CDH13: variants seen among roughly 807,000 people sequenced by gnomAD.
CDH13 encodes the protein cadherin 13.
Under a neutral mutation model 63.8 loss-of-function variants are expected in CDH13, and 24 were observed. That is an observed-to-expected ratio of 0.38 (90% confidence interval 0.27 to 0.53). The LOEUF (loss-of-function observed/expected upper bound fraction) is 0.53, where lower values mean the gene tolerates loss of function less well. CDH13 is among the 20% of genes least tolerant of loss of function. The pLI is 0.85. For synonymous variants in CDH13, 503 were observed against 355.3 expected (o/e 1.42, Z -4.67); for missense variants, 1,049 against 903.1 (o/e 1.16, Z -2.07).
chr16:83,730,609 G>C (rs968554315), intron 10 of CDH13, among the ~76,000 whole-genome samples: 3 of 152,144 alleles, frequency 2.0e-5, no homozygotes, highest in Non-Finnish European at 4.4e-5. Flanking sequence ...TGGGTACAAA[G>C]GATCACCTGG....
At chr16:83,048,085 G>C (rs1210423491) in intron 3 of CDH13, among the ~76,000 whole-genome samples, 2 of 152,184 alleles carry the variant, frequency 1.3e-5, no homozygotes, top group Admixed American at 6.5e-5. Flanking sequence ...GTATCCAAAA[G>C]GGTTAAAATA....
chr16:82,752,846 G>A (rs1015918638), intron 1 of CDH13, among the ~76,000 whole-genome samples: 1 of 152,212 alleles, frequency 6.6e-6, no homozygotes, highest in Non-Finnish European at 1.5e-5. Flanking sequence ...ATCATAGAAT[G>A]TGGCACTGGG....
chr16:83,400,064 T>C (rs1171298874), intron 6 of CDH13, among the ~76,000 whole-genome samples: 1 of 152,126 alleles, frequency 6.6e-6, no homozygotes. Flanking sequence ...GCCTGTCTTA[T>C]AGTACTGCCA....
At chr16:83,223,536 C>T (rs955365233) in intron 5 of CDH13, among the ~76,000 whole-genome samples, 8 of 152,202 alleles carry the variant, frequency 5.3e-5, no homozygotes, top group African/African-American at 1.9e-4. Flanking sequence ...TGCCACTTTG[C>T]TCTGATGCTC....
intron 5 of CDH13, among the ~76,000 whole-genome samples, chr16:83,302,818 G>T (rs912993038): frequency 6.6e-6 from 1 of 152,210 alleles, no homozygotes; most frequent in African/African-American, 2.4e-5. Context: ...ACACAGTGAG[G>T]TTGCTTTAGC....
chr16:83,273,096 C>T (rs894992223), intron 5 of CDH13, among the ~76,000 whole-genome samples: 2 of 152,112 alleles, frequency 1.3e-5, no homozygotes, highest in African/African-American at 4.8e-5. Context: ...AGCTGCTATC[C>T]ATTGAGCAGT....
At chr16:83,519,442 T>G (rs751242463) in intron 7 of CDH13, among the ~76,000 whole-genome samples, 5 of 152,212 alleles carry the variant, frequency 3.3e-5, no homozygotes, top group Admixed American at 2.6e-4. Flanking sequence ...AAACAAATAC[T>G]TCAATGAAAA....
intron 3 of CDH13, among the ~76,000 whole-genome samples, chr16:83,040,441 G>C (rs1482905137): frequency 6.6e-6 from 1 of 152,140 alleles, no homozygotes; most frequent in Non-Finnish European, 1.5e-5. Context: ...TTCAGTCTGT[G>C]GCCGAAGGCC....
At chr16:82,660,881 G>C (rs768129204) in intron 1 of CDH13, among the ~76,000 whole-genome samples, 3 of 152,016 alleles carry the variant, frequency 2.0e-5, no homozygotes, top group Non-Finnish European at 4.4e-5. Flanking sequence ...GATGTAAAGA[G>C]CCTTTTGAAG....
chr16:83,776,950 C>A (rs542913741), intron 11 of CDH13, among the ~76,000 whole-genome samples: 84 of 80,952 alleles, frequency 1.0e-3, no homozygotes, highest in African/African-American at 4.7e-3. Context: ...CTGGGCACTT[C>A]CGCCAAGCTG....
intron 7 of CDH13, among the ~76,000 whole-genome samples, chr16:83,526,539 G>A (rs748369607): frequency 3.3e-5 from 5 of 152,192 alleles, no homozygotes; most frequent in Non-Finnish European, 7.3e-5. Context: ...TTGCTGATCT[G>A]ACAGGATACC....
intron 2 of CDH13, among the ~76,000 whole-genome samples, chr16:82,889,757 T>C (rs2041014944): frequency 6.6e-6 from 1 of 152,230 alleles, no homozygotes; most frequent in Admixed American, 6.5e-5. Context: ...GAGTATATCT[T>C]GTGAAAAATA....
intron 7 of CDH13, among the ~76,000 whole-genome samples, chr16:83,555,466 A>G (rs757949975): frequency 2.8e-4 from 43 of 152,202 alleles, no homozygotes; most frequent in Non-Finnish European, 3.8e-4. Context: ...ATCTTTTTAT[A>G]TGAATTTCAG....
chr16:83,134,614 C>T (rs1470912127), intron 4 of CDH13, among the ~76,000 whole-genome samples: 1 of 143,420 alleles, frequency 7.0e-6, no homozygotes, highest in Non-Finnish European at 1.5e-5. Flanking sequence ...GACTGTATTT[C>T]TGAATTTGCC....
intron 6 of CDH13, among the ~76,000 whole-genome samples, chr16:83,480,439 C>T (rs551809165): frequency 2.7e-5 from 4 of 147,246 alleles, no homozygotes; most frequent in Non-Finnish European, 6.0e-5. Context: ...TTTGGTTTTG[C>T]ACACCAGGGT....
chr16:83,060,750 A>G (rs1444605162), intron 3 of CDH13, among the ~76,000 whole-genome samples: 1 of 152,208 alleles, frequency 6.6e-6, no homozygotes, highest in Admixed American at 6.5e-5. Context: ...ATTTTTTAAA[A>G]GCAGGTAATA....
intron 1 of CDH13, among the ~76,000 whole-genome samples, chr16:82,857,208 T>C (rs895996396): frequency 2.6e-5 from 4 of 152,208 alleles, no homozygotes; most frequent in Non-Finnish European, 2.9e-5. Flanking sequence ...TGTTAACCTT[T>C]CTAGAATTTC....
At chr16:83,568,075 G>A (rs1904301864) in intron 7 of CDH13, among the ~76,000 whole-genome samples, 1 of 152,108 alleles carries the variant, frequency 6.6e-6, no homozygotes, top group South Asian at 2.1e-4. Flanking sequence ...TGTCCGGTTA[G>A]CAGAGCTTCC....
At chr16:83,137,768 C>A (rs1052929897) in intron 4 of CDH13, among the ~76,000 whole-genome samples, 59 of 152,090 alleles carry the variant, frequency 3.9e-4, no homozygotes, top group African/African-American at 1.3e-3. Context: ...GGCCTTTTCA[C>A]GGTCCAATTA....
Sources: allele counts gnomAD v4.1 joint callset (sites outside exome capture counted in the v4.1 genomes callset), GRCh38; gene constraint gnomAD v4.1.1; transcripts MANE v1.5; gene names NCBI Gene and HGNC (gene_info 2026-07-23, HGNC 2026-07-21).